The following SLC12A7 variants were observed in gnomAD, a reference collection of about 807,000 sequenced individuals.
SLC12A7 encodes the protein K-Cl cotransporter 4.
Under a neutral mutation model 120.6 loss-of-function variants are expected in SLC12A7, and 100 were observed. The ratio of observed to expected loss-of-function variants is 0.83; its 90% confidence interval spans 0.71 to 0.98. SLC12A7 has a LOEUF of 0.98. Among genes scored for constraint, SLC12A7 ranks in the 50% least tolerant of loss-of-function variants. SLC12A7 has a pLI of 0.00. For missense variants in SLC12A7, 1,373 were observed against 1,548.1 expected, an observed-to-expected ratio of 0.89 and a Z score of 1.90; for synonymous variants, 760 against 678.0, an observed-to-expected ratio of 1.12 and a Z score of -1.88.
At chr5:1,089,463 G>A (rs776432214) in intron 3 of SLC12A7, among the ~76,000 whole-genome samples, 7 of 151,878 alleles carry the variant, frequency 4.6e-5, no homozygotes, top group South Asian at 2.1e-4. Context: ...CCCCGGCTCC[G>A]TTCCCTGGAT....
chr5:1,115,869 T>TGGGAAGGGAGGAGA (rs11275613), upstream of SLC12A7, among the ~76,000 whole-genome samples: 6,259 of 136,912 alleles, frequency 0.046, 405 homozygotes, highest in African/African-American at 0.1. Context: ...AGGAAAGAGG[T>TGGGAAGGGAGGAGA]GGGAAGGGAG....
chr5:1,106,354 G>A, intron 1 of SLC12A7, among the ~76,000 whole-genome samples: 1 of 151,088 alleles, frequency 6.6e-6, no homozygotes, highest in South Asian at 2.1e-4. Flanking sequence ...TCGGGAGGCT[G>A]AGGCACGAGA....
rs375193995 is a variant in SLC12A7 at position 1,074,976 on chromosome 5, C to T, written c.1968-305G>A. Among the ~76,000 whole-genome samples the T allele has an allele frequency of 5.3e-5, 8 of 150,118 alleles. No individual in the cohort carries two copies. The South Asian group carries it at 6.5e-4, about 12-fold the overall frequency. ...CAGGGAAGTGGCTGGACCCCGGGCA[C>T]GAGGCGGGTGCAGGTGGAGGGAGGG... On this transcript the variant is annotated intron_variant, in intron 15 of 23. Transcript: ENST00000264930.
At chr5:1,141,437 CGGGCACCACAGCCGCCAT>C in the SLC12A7 span, among the ~76,000 whole-genome samples, 44,182 of 151,774 alleles carry the variant, frequency 0.29, 6,694 homozygotes, top group East Asian at 0.49. Flanking sequence ...CCTGCTGCCA[CGGGCACCACAGCCGCCAT>C]GGGCACCAGA....
chr5:1,096,170 G>C (rs1741113234), intron 1 of SLC12A7, among the ~76,000 whole-genome samples: 1 of 152,202 alleles, frequency 6.6e-6, no homozygotes, highest in Non-Finnish European at 1.5e-5. Flanking sequence ...AAACGTGCTT[G>C]CTTTTAGGAA....
the SLC12A7 span, among the ~76,000 whole-genome samples, chr5:1,137,536 C>T: frequency 6.6e-6 from 1 of 152,200 alleles, no homozygotes; most frequent in African/African-American, 2.4e-5. Context: ...CCTTCCCCCT[C>T]CTCCTCAACC....
chr5:1,154,795 C>T, the SLC12A7 span, among the ~76,000 whole-genome samples: 5 of 152,358 alleles, frequency 3.3e-5, no homozygotes, highest in South Asian at 2.1e-4. Context: ...TCATCCCCGG[C>T]CCCTCACAGG....
chr5:1,114,278 C>A (rs1743226767), upstream of SLC12A7, among the ~76,000 whole-genome samples: 1 of 152,192 alleles, frequency 6.6e-6, no homozygotes, highest in Non-Finnish European at 1.5e-5. Context: ...TTGTTTAAAT[C>A]TTAGATCTTA....
intron 21 of SLC12A7, among the ~76,000 whole-genome samples, chr5:1,059,394 C>T (rs1305936609): frequency 1.3e-5 from 2 of 152,244 alleles, no homozygotes; most frequent in Non-Finnish European, 2.9e-5. Flanking sequence ...GCCAAGGCCC[C>T]AGGGCAGGCA....
the SLC12A7 span, among the ~76,000 whole-genome samples, chr5:1,138,358 G>A: frequency 6.6e-6 from 1 of 152,174 alleles, no homozygotes; most frequent in Non-Finnish European, 1.5e-5. Context: ...TCATTTTACA[G>A]AGTGCTGATT....
intron 18 of SLC12A7, among the ~76,000 whole-genome samples, chr5:1,064,779 C>CACTGA (rs1736764431): frequency 7.0e-6 from 1 of 143,402 alleles, no homozygotes; most frequent in African/African-American, 2.7e-5. Flanking sequence ...AGCAAGGGGA[C>CACTGA]GGTGAGGGGA....
chr5:1,102,047 A>G (rs182126722), intron 1 of SLC12A7, among the ~76,000 whole-genome samples: 31 of 151,882 alleles, frequency 2.0e-4, no homozygotes, highest in African/African-American at 6.8e-4. Context: ...GTGAATGCAG[A>G]CCCTGTGGTC....
intron 9 of SLC12A7, among the ~76,000 whole-genome samples, chr5:1,080,567 G>A (rs1334795108): frequency 6.6e-6 from 1 of 152,226 alleles, no homozygotes; most frequent in Non-Finnish European, 1.5e-5. Flanking sequence ...GAAGGGACCA[G>A]AAGGGCAGCT....
rs1211092554 is a variant in SLC12A7 at position 1,088,358 on chromosome 5, T to C, written c.492A>G (p.Thr164=). 1.3e-6 allele frequency: 2 copies of C among 1,579,718 alleles called. No homozygotes were observed. Among genetic ancestry groups the C allele is most frequent in the Non-Finnish European group, 1.7e-6 (2 of 1,162,898 alleles). ...CACTCATGGAAATGGCGGTCAGCAT[T>C]GTCTGCAAAAAGACAGGCAGCCATC... ...FLIVAMCCTC[T]MLTAISMSAI... The change falls in exon 5 of 24, where the codon ACA becomes ACG. Residue 164 remains threonine, a splice_region_variant and synonymous_variant. Transcript: ENST00000264930.
At chr5:1,132,958 T>G in the SLC12A7 span, among the ~76,000 whole-genome samples, 6 of 152,364 alleles carry the variant, frequency 3.9e-5, no homozygotes, top group Non-Finnish European at 8.8e-5. Context: ...TCATCTAGGC[T>G]GGGGTGCAGG....
At chr5:1,128,237 G>C in the SLC12A7 span, among the ~76,000 whole-genome samples, 1 of 152,228 alleles carries the variant, frequency 6.6e-6, no homozygotes, top group African/African-American at 2.4e-5. Flanking sequence ...AGCTCCTGTG[G>C]GACCAGGGTT....
intron 11 of SLC12A7, 54 bp from the exon 12 acceptor site, chr5:1,078,061 G>A (rs2150838330): frequency 6.6e-7 from 1 of 1,509,544 alleles, no homozygotes; most frequent in Non-Finnish European, 8.9e-7. Context: ...GCCTGAGTCA[G>A]ACAAAATGTC....
rs767034528 is a variant in SLC12A7, at chr5:1,094,201, C to T, written c.172G>A (p.Val58Met). ...ENSPFLNNVE[V>M]EQESFFEGKN... is the part of the protein sequence containing the mutation. ...CCTTCAAAGAAGCTCTCTTGTTCCA[C>T]CTCGACATTGTTGAGGAATGGGCTG... The change falls in exon 2 of 24, where the codon GTG (valine) becomes ATG (methionine). Residue 58 changes from valine (V) to methionine (M), a missense_variant. Val to Met is a conservative substitution (Grantham distance 21, BLOSUM62 1). Transcript: ENST00000264930. The T allele has an allele frequency of 3.1e-6, 5 of 1,613,726 alleles. No individual in the cohort carries two copies. The Admixed American group carries it at 8.3e-5, about 27-fold the overall frequency.
At chr5:1,134,163 G>A in the SLC12A7 span, among the ~76,000 whole-genome samples, 1 of 152,174 alleles carries the variant, frequency 6.6e-6, no homozygotes, top group Admixed American at 6.5e-5. Context: ...GGACAGCTAC[G>A]TGTTTCTAGT....
Sources: allele counts gnomAD v4.1 joint callset (sites outside exome capture counted in the v4.1 genomes callset), GRCh38; gene constraint gnomAD v4.1.1; transcripts MANE v1.5; gene names NCBI Gene and HGNC (gene_info 2026-07-23, HGNC 2026-07-21).